Variants in NEGR1 observed in about 807,000 individuals in gnomAD.
NEGR1 encodes IgLON family member 4.
A neutral mutation model predicts 40.9 loss-of-function variants in NEGR1; 10 were observed. The ratio of observed to expected loss-of-function variants is 0.24; its 90% CI spans 0.15 to 0.42. The LOEUF (loss-of-function observed/expected upper bound fraction) is 0.42. Among genes scored for constraint, NEGR1 ranks in the 10% least tolerant of loss-of-function variants. The probability of loss-of-function intolerance (pLI) is 1.00; values close to 1 mark genes in which losing one functional copy is unlikely to be tolerated. For missense variants in NEGR1, 352 were observed against 438.9 expected, an observed-to-expected ratio of 0.80 and a Z score of 1.77; for synonymous variants, 185 against 166.8, an observed-to-expected ratio of 1.11 and a Z score of -0.84.
chr1:71,913,894 T>C (rs1256365050), intron 2 of NEGR1, among the ~76,000 whole-genome samples: 1 of 151,680 alleles, frequency 6.6e-6, no homozygotes, highest in Non-Finnish European at 1.5e-5. Flanking sequence ...GTACACTCCT[T>C]AGTGTATGCA....
chr1:72,143,914 AAT>A (rs61582804), intron 1 of NEGR1, among the ~76,000 whole-genome samples: 30,007 of 129,950 alleles, frequency 0.23, 3,398 homozygotes, highest in East Asian at 0.35. Context: ...TGATATATAT[AAT>A]ATATATATAT....
chr1:71,909,999 G>T (rs6660086), intron 2 of NEGR1, among the ~76,000 whole-genome samples: 29,000 of 152,064 alleles, frequency 0.19, 3,676 homozygotes, highest in East Asian at 0.49. Flanking sequence ...AGGAAGAAAA[G>T]CAAGAAATTA....
rs1429418386 is a variant in NEGR1, at chr1:71,804,063, C to G, written c.410-27766G>C. 2.6e-5 allele frequency among the ~76,000 whole-genome samples: 4 copies of G among 151,350 alleles called. No homozygotes were observed. In the East Asian group the frequency reaches 7.7e-4, roughly 29 times the overall value. ...TTATTAAATATGAATAGAATAATAA[C>G]AAAATAATAAATCAAGGTTGATAAC... On this transcript the variant is annotated intron_variant, in intron 2 of 6. Coordinates refer to ENST00000357731, the MANE Select transcript of NEGR1 (RefSeq NM_173808.3).
chr1:71,563,269 A>G (rs1648518477), intron 6 of NEGR1, among the ~76,000 whole-genome samples: 1 of 152,090 alleles, frequency 6.6e-6, no homozygotes, highest in East Asian at 1.9e-4. Flanking sequence ...TCTCCTGGAA[A>G]GACACATCTA....
intron 6 of NEGR1, among the ~76,000 whole-genome samples, chr1:71,469,740 T>C (rs1646769729): frequency 1.3e-5 from 2 of 152,058 alleles, no homozygotes; most frequent in South Asian, 4.1e-4. Flanking sequence ...GGTGAAAATG[T>C]AGATATTAAA....
intron 2 of NEGR1, among the ~76,000 whole-genome samples, chr1:71,915,760 C>T (rs757139496): frequency 6.6e-6 from 1 of 152,102 alleles, no homozygotes; most frequent in Non-Finnish European, 1.5e-5. Flanking sequence ...ATTTTCTCCA[C>T]AGAACATGGT....
At chr1:71,716,807 G>A (rs1212585748) in intron 3 of NEGR1, among the ~76,000 whole-genome samples, 2 of 152,006 alleles carry the variant, frequency 1.3e-5, no homozygotes, top group East Asian at 3.9e-4. Context: ...CCCATTTAGT[G>A]GTCTAAGAAG....
chr1:71,914,015 T>C (rs1321215853), intron 2 of NEGR1, among the ~76,000 whole-genome samples: 1 of 152,188 alleles, frequency 6.6e-6, no homozygotes, highest in Non-Finnish European at 1.5e-5. Flanking sequence ...AATTGCTAAA[T>C]TTAAAACAAA....
chr1:71,899,677 T>C (rs1196831863), intron 2 of NEGR1, among the ~76,000 whole-genome samples: 1 of 152,226 alleles, frequency 6.6e-6, no homozygotes, highest in African/African-American at 2.4e-5. Context: ...CATTTTTTAT[T>C]ACATTTGCAA....
At chr1:72,014,585 A>G (rs1646692352) in intron 1 of NEGR1, among the ~76,000 whole-genome samples, 1 of 152,046 alleles carries the variant, frequency 6.6e-6, no homozygotes, top group Non-Finnish European at 1.5e-5. Context: ...CATAACATGT[A>G]AAAGTTATTT....
intron 1 of NEGR1, among the ~76,000 whole-genome samples, chr1:71,941,292 T>C (rs1389303007): frequency 6.6e-6 from 1 of 152,056 alleles, no homozygotes; most frequent in African/African-American, 2.4e-5. Context: ...GAAGCAGAGA[T>C]TATATGGAAG....
chr1:71,587,750 C>T lies in NEGR1; in HGVS notation c.940+5067G>A, dbSNP rs1477234023. Among the ~76,000 whole-genome samples, 4 of 151,974 alleles carry T rather than the reference C, an allele frequency of 2.6e-5. No homozygotes were observed. The East Asian group carries it at 7.7e-4, about 29-fold the overall frequency. On this transcript the variant is annotated intron_variant, in intron 6 of 6. Coordinates refer to ENST00000357731, the MANE Select transcript of NEGR1 (RefSeq NM_173808.3). ...CTATACTACAGTAAAGGATTTGACA[C>T]TATATTTTTAGGTACACCTGAGATG...
At chr1:71,763,823 A>G (rs1458008644) in intron 3 of NEGR1, among the ~76,000 whole-genome samples, 2 of 151,780 alleles carry the variant, frequency 1.3e-5, no homozygotes, top group Non-Finnish European at 2.9e-5. Context: ...AAACATCAGG[A>G]AAAAAAACAC....
intron 2 of NEGR1, among the ~76,000 whole-genome samples, chr1:71,876,606 AAGG>A (rs1557685398): frequency 2.1e-5 from 2 of 95,542 alleles, no homozygotes; most frequent in Non-Finnish European, 5.4e-5. Flanking sequence ...GGAAGGAAAG[AAGG>A]AAGGAAGGAA....
At chr1:71,934,395 T>A (rs566919687) in intron 2 of NEGR1, among the ~76,000 whole-genome samples, 1 of 152,256 alleles carries the variant, frequency 6.6e-6, no homozygotes, top group East Asian at 1.9e-4. Flanking sequence ...ATTCATGATC[T>A]ACTGAAAGTA....
chr1:71,600,235 G>T (rs1022259757), intron 5 of NEGR1, among the ~76,000 whole-genome samples: 1 of 152,162 alleles, frequency 6.6e-6, no homozygotes, highest in Non-Finnish European at 1.5e-5. Flanking sequence ...AGGCTATAAC[G>T]CAGTCTTCCA....
At chr1:72,100,729 T>C (rs1648902581) in intron 1 of NEGR1, 1 of 152,224 alleles carries the variant, frequency 6.6e-6, no homozygotes, top group South Asian at 2.1e-4. Flanking sequence ...TTATCAATTA[T>C]GTGCCTACTG....
At chr1:72,207,012 T>C (rs1653427999) in intron 1 of NEGR1, among the ~76,000 whole-genome samples, 1 of 151,106 alleles carries the variant, frequency 6.6e-6, no homozygotes, top group African/African-American at 2.4e-5. Context: ...CATAAGTTAT[T>C]CCTAACAAGT....
intron 1 of NEGR1, among the ~76,000 whole-genome samples, chr1:72,088,115 G>T (rs1228178791): frequency 6.6e-6 from 1 of 152,076 alleles, no homozygotes; most frequent in Non-Finnish European, 1.5e-5. Context: ...AGTGTAACCT[G>T]GGTCTTTCTT....
Sources: allele counts gnomAD v4.1 joint callset (sites outside exome capture counted in the v4.1 genomes callset), GRCh38; gene constraint gnomAD v4.1.1; transcripts MANE v1.5; gene names NCBI Gene and HGNC (gene_info 2026-07-23, HGNC 2026-07-21).